Variants in CALN1 observed in about 807,000 individuals in gnomAD.
CALN1 encodes calneuron 1, also known as calcium-binding protein 8.
A neutral mutation model predicts 30.6 loss-of-function variants in CALN1; 17 were observed. The ratio of observed to expected loss-of-function variants is 0.56; its 90% CI spans 0.38 to 0.83. The LOEUF is 0.83. CALN1 is among the 40% of genes least tolerant of loss of function. CALN1 has a pLI of 0.00. For synonymous variants in CALN1, 156 were observed against 131.4 expected (o/e 1.19, Z -1.28); for missense variants, 291 against 354.9 (o/e 0.82, Z 1.45).
At chr7:72,238,330 A>G (rs910168170) in intron 3 of CALN1, among the ~76,000 whole-genome samples, 3 of 152,132 alleles carry the variant, frequency 2.0e-5, no homozygotes, top group Admixed American at 1.3e-4. Context: ...TTGCAAAGAG[A>G]CTGAGCTGCT....
At chr7:72,335,305 C>G (rs1443096509) in intron 2 of CALN1, among the ~76,000 whole-genome samples, 1 of 152,124 alleles carries the variant, frequency 6.6e-6, no homozygotes, top group Non-Finnish European at 1.5e-5. Context: ...CTCTGATGCC[C>G]GAATTGAAAA....
Position 72,412,149 on chromosome 7 carries a change from T to G in CALN1, c.-165A>C, listed in dbSNP as rs1262622199. 1 of 152,686 alleles carries G rather than the reference T, an allele frequency of 6.5e-6. No homozygotes were observed. Among genetic ancestry groups the G allele is most frequent in the African/African-American group, 2.4e-5 (1 of 41,334 alleles). The allele number at this position is 152,686 out of a possible 1,614,324, so 9.5% of individuals were successfully genotyped here. ...ACCTCGCGGTGAGTGTTACAGCTCT[T>G]AAAGATGGCGCGTCCGGAGTCGTCT... On this transcript the variant is annotated 5_prime_UTR_variant, in exon 1 of 7. Coordinates refer to ENST00000395275, the MANE Select transcript of CALN1 (RefSeq NM_031468.4).
At chr7:71,882,782 C>G (rs903437713) in intron 5 of CALN1, among the ~76,000 whole-genome samples, 3 of 151,656 alleles carry the variant, frequency 2.0e-5, no homozygotes, top group African/African-American at 7.3e-5. Context: ...CTCCTGGGCT[C>G]AAGTGATCCT....
chr7:71,856,520 T>C (rs1211333994), intron 5 of CALN1, among the ~76,000 whole-genome samples: 1 of 152,186 alleles, frequency 6.6e-6, no homozygotes, highest in Non-Finnish European at 1.5e-5. Flanking sequence ...ACTTATTATA[T>C]GTATATATAT....
At chr7:72,182,314 A>T (rs772987922) in intron 3 of CALN1, among the ~76,000 whole-genome samples, 3 of 152,194 alleles carry the variant, frequency 2.0e-5, no homozygotes, top group Non-Finnish European at 4.4e-5. Context: ...GTTACCAGAC[A>T]ACTATAACAC....
intron 3 of CALN1, among the ~76,000 whole-genome samples, chr7:72,209,214 T>C (rs1792155224): frequency 8.6e-5 from 8 of 93,154 alleles, no homozygotes; most frequent in East Asian, 8.4e-4. Context: ...CCCTCCTTCC[T>C]TCCCTCCTTC....
chr7:71,901,163 A>G (rs567199333), intron 5 of CALN1, among the ~76,000 whole-genome samples: 7 of 152,326 alleles, frequency 4.6e-5, no homozygotes, highest in East Asian at 1.9e-4. Context: ...TGAAAACACT[A>G]TAATTACCAA....
chr7:72,299,711 A>T (rs1360759628), intron 2 of CALN1, among the ~76,000 whole-genome samples: 145 of 25,840 alleles, frequency 5.6e-3, no homozygotes, highest in African/African-American at 9.8e-3. Flanking sequence ...TTTTTTTTTT[A>T]AAAAGAGAGA....
chr7:72,060,061 G>A lies in CALN1; in HGVS notation c.389-36292C>T, dbSNP rs538050823. On this transcript the variant is annotated intron_variant, in intron 4 of 6. Coordinates refer to ENST00000395275, the MANE Select transcript of CALN1 (RefSeq NM_031468.4). ...GATGCAATGCTAAAGACCCCGGGCAGTGGGCATTGGTGTGGGTGGTGAGAG... is the reference window on the plus strand; with the variant it reads ...GATGCAATGCTAAAGACCCCGGGCAATGGGCATTGGTGTGGGTGGTGAGAG... Among the ~76,000 whole-genome samples, 5 of 152,172 alleles carry A rather than the reference G, an allele frequency of 3.3e-5. No individual in the cohort carries two copies. In the South Asian group the frequency reaches 1.0e-3, roughly 32 times the overall value.
chr7:72,123,639 C>G lies in CALN1; in HGVS notation c.245-17345G>C, dbSNP rs113994573. On this transcript the variant is annotated intron_variant, in intron 3 of 6. Coordinates refer to ENST00000395275, the MANE Select transcript of CALN1 (RefSeq NM_031468.4). Reference sequence around the variant, plus strand: ...GAAGCTCAGGGGAAGCCCAGGGAACCGCTCCCCTCTGTAGCTCATCAAATC... The same window carrying G: ...GAAGCTCAGGGGAAGCCCAGGGAACGGCTCCCCTCTGTAGCTCATCAAATC... 5.3e-5 allele frequency among the ~76,000 whole-genome samples: 8 copies of G among 152,204 alleles called. No individual in the cohort carries two copies. The East Asian group carries it at 5.8e-4, about 11-fold the overall frequency.
chr7:71,943,720 G>A (rs926285799), intron 5 of CALN1, among the ~76,000 whole-genome samples: 3 of 152,162 alleles, frequency 2.0e-5, no homozygotes, highest in African/African-American at 4.8e-5. Flanking sequence ...GGGATTACAG[G>A]AGTGAGCCAC....
chr7:72,115,344 ATT>A (rs1333682465), intron 3 of CALN1, among the ~76,000 whole-genome samples: 4 of 140,926 alleles, frequency 2.8e-5, no homozygotes, highest in African/African-American at 2.6e-5. Flanking sequence ...CTCCACCTGG[ATT>A]TTTTTTTTTT....
At chr7:72,454,925 G>A in the CALN1 span, among the ~76,000 whole-genome samples, 7 of 151,128 alleles carry the variant, frequency 4.6e-5, no homozygotes, top group Middle Eastern at 3.4e-3. Flanking sequence ...CCCACCTCCC[G>A]GGTTCAAGTG....
At chr7:71,792,352 C>T (rs900510309) in intron 6 of CALN1, among the ~76,000 whole-genome samples, 7 of 152,106 alleles carry the variant, frequency 4.6e-5, no homozygotes, top group Non-Finnish European at 8.8e-5. Context: ...TGAATTATTT[C>T]GCCATGGTCT....
Position 72,021,691 on chromosome 7 carries a change from T to C in CALN1, c.501+1966A>G, listed in dbSNP as rs1800718392. On this transcript the variant is annotated intron_variant, in intron 5 of 6. Transcript: ENST00000395275. ...GGATGTCCTCTGGGACCAGGTCCCA[T>C]CTCTCTGCTCATCCTCTTTTATGCA... Among the ~76,000 whole-genome samples, 3 of 152,134 alleles carry C rather than the reference T, an allele frequency of 2.0e-5. No individual in the cohort carries two copies. In the South Asian group the frequency reaches 6.2e-4, roughly 31 times the overall value.
At chr7:71,987,777 C>T (rs750785465) in intron 5 of CALN1, among the ~76,000 whole-genome samples, 27 of 152,168 alleles carry the variant, frequency 1.8e-4, no homozygotes, top group Non-Finnish European at 2.5e-4. Flanking sequence ...TAAATCTTTC[C>T]GGATAGCAGG....
intron 5 of CALN1, among the ~76,000 whole-genome samples, chr7:72,021,108 CA>C (rs1054365141): frequency 6.6e-6 from 1 of 151,852 alleles, no homozygotes; most frequent in Non-Finnish European, 1.5e-5. Context: ...CCATATCTAC[CA>C]AAAAACACAG....
rs1804085598 is a variant in CALN1 at position 72,369,362 on chromosome 7, G to GTTGTT, written c.119+33884_119+33888dup. ...AAATATTATAAATATTTATTTTTTT[G>GTTGTT]TTGTTGTTGTTTGTTTTTGAGATGG... is the stretch of plus-strand genomic sequence containing the variant. On this transcript the variant is annotated intron_variant, in intron 2 of 6. Coordinates refer to ENST00000395275, the MANE Select transcript of CALN1 (RefSeq NM_031468.4). Among the ~76,000 whole-genome samples the GTTGTT allele has an allele frequency of 7.4e-5, 4 of 54,202 alleles. No homozygotes were observed. The East Asian group carries it at 2.0e-3, about 27-fold the overall frequency. The allele number at this position is 54,202 out of a possible 152,430, so 35.6% of individuals were successfully genotyped here.
intron 1 of CALN1, among the ~76,000 whole-genome samples, chr7:72,408,830 A>G (rs576090627): frequency 9.9e-5 from 15 of 151,886 alleles, no homozygotes; most frequent in African/African-American, 3.4e-4. Flanking sequence ...GGCGGGCACC[A>G]TCACTCCTGG....
Sources: gnomAD v4.1 joint callset for allele counts (sites outside exome capture counted in the v4.1 genomes callset) on GRCh38, gnomAD v4.1.1 for gene constraint, MANE v1.5 for transcripts, NCBI Gene and HGNC (gene_info 2026-07-23, HGNC 2026-07-21) for gene names.